The following TAFA2 variants were observed in gnomAD, a reference collection of about 807,000 sequenced individuals.
TAFA2 encodes the protein chemokine-like protein TAFA-2.
In TAFA2, 7 loss-of-function variants were observed where a neutral mutation model predicts 18.8. The observed-to-expected ratio is 0.37, with a 90% CI of 0.21 to 0.70. The LOEUF is 0.70. TAFA2 is among the 30% of genes least tolerant of loss of function. The pLI, the probability that TAFA2 is intolerant of heterozygous loss-of-function variation, is 0.53. For missense variants in TAFA2, 122 were observed against 158.1 expected (o/e 0.77, Z 1.23); for synonymous variants, 60 against 54.2 (o/e 1.11, Z -0.47).
At chr12:62,093,123 C>A (rs181282990) in intron 1 of TAFA2, among the ~76,000 whole-genome samples, 4 of 151,956 alleles carry the variant, frequency 2.6e-5, no homozygotes, top group Admixed American at 6.6e-5. Context: ...GAGAACTTGG[C>A]TGTTATAAAT....
intron 1 of TAFA2, among the ~76,000 whole-genome samples, chr12:62,216,605 C>T (rs1307285554): frequency 6.6e-6 from 1 of 152,198 alleles, no homozygotes; most frequent in Non-Finnish European, 1.5e-5. Flanking sequence ...GATGTGGCTT[C>T]TTTGCTAGAG....
intron 1 of TAFA2, chr12:61,879,594 G>A: frequency 1.3e-6 from 1 of 768,108 alleles, no homozygotes; most frequent in Non-Finnish European, 2.4e-6. Context: ...GCACACCCAG[G>A]AGAAGGAGCA....
chr12:62,245,575 AAT>A (rs899000049), intron 1 of TAFA2, among the ~76,000 whole-genome samples: 2 of 149,130 alleles, frequency 1.3e-5, no homozygotes, highest in Admixed American at 6.7e-5. Context: ...GTTTTGTTGA[AAT>A]ATATATATAC....
chr12:62,150,794 T>C (rs565736907), intron 1 of TAFA2, among the ~76,000 whole-genome samples: 2 of 151,798 alleles, frequency 1.3e-5, no homozygotes, highest in African/African-American at 2.4e-5. Context: ...TAGTTCCAGA[T>C]ACTCAGGAGG....
intron 4 of TAFA2, among the ~76,000 whole-genome samples, chr12:61,737,106 A>G (rs564420136): frequency 2.6e-5 from 4 of 152,072 alleles, no homozygotes; most frequent in Non-Finnish European, 5.9e-5. Flanking sequence ...ACTACCTTTG[A>G]GATAAAAGAG....
At chr12:61,806,912 G>T (rs1318186879) in intron 2 of TAFA2, among the ~76,000 whole-genome samples, 1 of 152,202 alleles carries the variant, frequency 6.6e-6, no homozygotes, top group African/African-American at 2.4e-5. Flanking sequence ...CTTGGGTGCT[G>T]TTAAAGGCAT....
At chr12:62,056,412 C>T (rs142583271) in intron 1 of TAFA2, among the ~76,000 whole-genome samples, 71 of 152,318 alleles carry the variant, frequency 4.7e-4, no homozygotes, top group Admixed American at 2.1e-3. Flanking sequence ...TTTACAACCA[C>T]CAGTGTGGCA....
chr12:61,931,589 C>T (rs851903), intron 1 of TAFA2, among the ~76,000 whole-genome samples: 22,070 of 152,150 alleles, frequency 0.15, 4,499 homozygotes, highest in African/African-American at 0.46. Context: ...ACAAAAAATC[C>T]TGTATCTGTT....
intron 2 of TAFA2, among the ~76,000 whole-genome samples, chr12:61,806,436 G>A (rs1426037299): frequency 6.6e-6 from 1 of 152,156 alleles, no homozygotes; most frequent in Non-Finnish European, 1.5e-5. Context: ...GTAAGTCCAA[G>A]TCTTTCTTTA....
At chr12:61,771,909 CA>C (rs58401862) in intron 2 of TAFA2, among the ~76,000 whole-genome samples, 121,022 of 145,002 alleles carry the variant, frequency 0.83, 50,386 homozygotes, top group East Asian at 0.88. Flanking sequence ...GAAATTGAAA[CA>C]AAAAAAAAAA....
intron 1 of TAFA2, among the ~76,000 whole-genome samples, chr12:62,243,075 G>T (rs1039080341): frequency 4.6e-5 from 7 of 152,106 alleles, no homozygotes; most frequent in African/African-American, 1.4e-4. Flanking sequence ...TTTTAAGCCA[G>T]TTATTTAGAT....
chr12:61,931,116 G>A (rs17125531), intron 1 of TAFA2, among the ~76,000 whole-genome samples: 2,132 of 152,246 alleles, frequency 0.014, 67 homozygotes, highest in African/African-American at 0.048. Context: ...CAGTTGAACC[G>A]TAATCATAAA....
At chr12:62,210,249 T>C (rs1257300129) in intron 1 of TAFA2, among the ~76,000 whole-genome samples, 1 of 152,076 alleles carries the variant, frequency 6.6e-6, no homozygotes, top group African/African-American at 2.4e-5. Context: ...ATAGATTATT[T>C]TCCCTCAAGA....
intron 4 of TAFA2, among the ~76,000 whole-genome samples, chr12:61,729,825 T>C (rs1373584733): frequency 1.3e-5 from 2 of 152,118 alleles, no homozygotes; most frequent in African/African-American, 4.8e-5. Context: ...AGAATTATTT[T>C]TTCTGGTTCC....
At chr12:61,944,921 T>G (rs1404069414) in intron 1 of TAFA2, among the ~76,000 whole-genome samples, 3 of 129,630 alleles carry the variant, frequency 2.3e-5, no homozygotes, top group Non-Finnish European at 4.8e-5. Context: ...TTCCAATCAA[T>G]AGAAAAAGAG....
At chr12:61,812,958 T>C (rs910849026) in intron 2 of TAFA2, among the ~76,000 whole-genome samples, 2 of 151,434 alleles carry the variant, frequency 1.3e-5, no homozygotes, top group Admixed American at 1.3e-4. Context: ...TTTGCTATTA[T>C]CTCCTTCCCT....
At chr12:61,732,200 T>A (rs1249707741) in intron 4 of TAFA2, among the ~76,000 whole-genome samples, 1 of 151,776 alleles carries the variant, frequency 6.6e-6, no homozygotes, top group Non-Finnish European at 1.5e-5. Flanking sequence ...GAAAAGAGCA[T>A]TTTAGGCAGA....
chr12:62,069,631 A>G (rs348645), intron 1 of TAFA2, among the ~76,000 whole-genome samples: 100,689 of 151,998 alleles, frequency 0.66, 33,562 homozygotes, highest in Admixed American at 0.69. Flanking sequence ...AAACATATAA[A>G]TTCCTTACAT....
chr12:62,125,444 C>A (rs1159888887), intron 1 of TAFA2, among the ~76,000 whole-genome samples: 1 of 152,054 alleles, frequency 6.6e-6, no homozygotes, highest in Non-Finnish European at 1.5e-5. Context: ...CCAACCTCAG[C>A]ATTCACAGAC....
Sources: gnomAD v4.1 joint callset for allele counts (sites outside exome capture counted in the v4.1 genomes callset) on GRCh38, gnomAD v4.1.1 for gene constraint, MANE v1.5 for transcripts, NCBI Gene and HGNC (gene_info 2026-07-23, HGNC 2026-07-21) for gene names.